The following SYNE2 variants were observed in gnomAD, a reference collection of about 807,000 sequenced individuals.
SYNE2 encodes the protein spectrin repeat containing nuclear envelope protein 2, also known as nesprin-2.
A neutral mutation model predicts 856.3 loss-of-function variants in SYNE2; 431 were observed. That is an observed-to-expected ratio of 0.50 (90% CI 0.47 to 0.55). The LOEUF (loss-of-function observed/expected upper bound fraction) is 0.55, where lower values mean the gene tolerates loss of function less well. Ranked by LOEUF, SYNE2 falls within the 20% of genes least tolerant of loss-of-function variation. The pLI is 0.00. For synonymous variants in SYNE2, 2,923 were observed against 2,872.3 expected (o/e 1.02, Z -0.56); for missense variants, 8,129 against 8,023.2 (o/e 1.01, Z -0.50).
At chr14:64,218,676 C>T (rs746094311) in intron 109 of SYNE2, among the ~76,000 whole-genome samples, 164 bp downstream of exon 109, 3 of 152,224 alleles carry the variant, frequency 2.0e-5, no homozygotes, top group Non-Finnish European at 2.9e-5. Flanking sequence ...TTGGCATTCA[C>T]GAACAAATTC....
chr14:63,987,706 T>C (rs2096636781), intron 19 of SYNE2, among the ~76,000 whole-genome samples: 3 of 152,096 alleles, frequency 2.0e-5, no homozygotes, highest in African/African-American at 7.2e-5. Flanking sequence ...TTAGTATTTA[T>C]TTACTCTATC....
rs559639288 is a variant in SYNE2, at chr14:63,813,322, A to G, written c.-304-39179A>G. Among the ~76,000 whole-genome samples, 79 of 152,366 alleles carry G rather than the reference A, an allele frequency of 5.2e-4. 1 individual carries two copies. The highest frequency in any genetic ancestry group is 2.5e-3 in the South Asian group (12 of 4,828). On this transcript the variant is annotated intron_variant, in intron 1 of 23. Coordinates refer to the SYNE2 transcript ENST00000674003. ...AAAAATCGTGTTTCAGTAGAAAACT[A>G]TAGCACGTGTGGATATCAAATACTA...
In SYNE2 at chr14:64,167,363, C is replaced by T. The variant is rs767671229; in HGVS notation, c.16736C>T (p.Thr5579Met). Reference protein sequence around the residue: ...QNMNRQWIRATATALERCSEL... With the variant: ...QNMNRQWIRAMATALERCSEL... ...ATGAACCGGCAATGGATTCGGGCCACGGCCACGGCACTGGAGCGCTGCAGG... is the reference window on the plus strand; with the variant it reads ...ATGAACCGGCAATGGATTCGGGCCATGGCCACGGCACTGGAGCGCTGCAGG... Residue 5579 changes from threonine to methionine, a missense_variant, in exon 91 of 116, where the codon ACG becomes ATG. Transcript: ENST00000555002. 2.2e-5 allele frequency: 35 copies of T among 1,614,076 alleles called. No homozygotes were observed. Among genetic ancestry groups the T allele is most frequent in the East Asian group, 1.8e-4 (8 of 44,902 alleles).
intron 10 of SYNE2, 134 bp downstream of exon 10, chr14:63,964,134 G>T: frequency 1.6e-6 from 1 of 640,474 alleles, no homozygotes; most frequent in South Asian, 1.8e-5. Flanking sequence ...TGAATTCTAG[G>T]ACTGTACTTC....
At chr14:63,833,401 G>A (rs1219266921) in intron 1 of SYNE2, among the ~76,000 whole-genome samples, 1 of 151,988 alleles carries the variant, frequency 6.6e-6, no homozygotes, top group Non-Finnish European at 1.5e-5. Context: ...GATAATATAT[G>A]TGACGACAGA....
At chr14:63,984,788 A>G (rs1230732049) in intron 18 of SYNE2, among the ~76,000 whole-genome samples, 2 of 152,196 alleles carry the variant, frequency 1.3e-5, no homozygotes, top group Non-Finnish European at 2.9e-5. Flanking sequence ...CTACTGTAAG[A>G]ATACCTACTT....
At chr14:63,979,860 C>T (rs945248909) in intron 14 of SYNE2, among the ~76,000 whole-genome samples, 5 of 151,956 alleles carry the variant, frequency 3.3e-5, no homozygotes, top group Admixed American at 3.3e-4. Flanking sequence ...AAGATTGTGG[C>T]ACTGCACTGC....
chr14:63,793,768 C>CG (rs150759944), intron 1 of SYNE2, among the ~76,000 whole-genome samples: 7 of 151,248 alleles, frequency 4.6e-5, no homozygotes, highest in Non-Finnish European at 7.4e-5. Context: ...GAGGCCCCCC[C>CG]CCAACTAAAA....
chr14:63,928,497 T>C (rs907847941), intron 2 of SYNE2, among the ~76,000 whole-genome samples: 4 of 152,220 alleles, frequency 2.6e-5, no homozygotes, highest in African/African-American at 9.7e-5. Flanking sequence ...TGTTTGTCTG[T>C]TTATGGTTGG....
rs1260773388 is a variant in SYNE2 at position 64,054,083 on chromosome 14, T to C, written c.9744+426T>C. Among the ~76,000 whole-genome samples, 7 of 152,254 alleles carry C rather than the reference T, an allele frequency of 4.6e-5. No individual in the cohort carries two copies. The East Asian group carries it at 5.8e-4, about 13-fold the overall frequency. On this transcript the variant is annotated intron_variant, in intron 48 of 115. Coordinates refer to ENST00000555002, the MANE Select transcript of SYNE2 (RefSeq NM_182914.3). ...TTCCAAAGAAGCTATAGGTTCTACG[T>C]AGAAATTCTCTACAGAAAGATAGCC...
rs534816516 is a variant in SYNE2, at chr14:63,879,602, A to G, written c.-52+26459A>G. 2.0e-5 allele frequency among the ~76,000 whole-genome samples: 3 copies of G among 152,368 alleles called. No individual in the cohort carries two copies. In the South Asian group the frequency reaches 6.2e-4, roughly 32 times the overall value. ...ACTGTTAATTGTGCACAGATAGGAA[A>G]GAGAGAGTGGTAATATGTAACTTTA... On this transcript the variant is annotated intron_variant, in intron 1 of 115. Coordinates refer to ENST00000555002, the MANE Select transcript of SYNE2 (RefSeq NM_182914.3).
chr14:63,940,713 T>G, intron 3 of SYNE2, 38 bp downstream of exon 3: 2 of 1,583,474 alleles, frequency 1.3e-6, no homozygotes, highest in South Asian at 2.2e-5. Context: ...ATAAATCTAT[T>G]TATTACTCCC....
At chr14:63,783,045 T>C (rs895431521) in intron 1 of SYNE2, among the ~76,000 whole-genome samples, 11 of 152,166 alleles carry the variant, frequency 7.2e-5, no homozygotes, top group African/African-American at 2.7e-4. Flanking sequence ...GATATTGATA[T>C]GGTTTGGCTG....
chr14:64,141,342 A>C lies in SYNE2; in HGVS notation c.14978A>C (p.Glu4993Ala), dbSNP rs1370080867. Residue 4993 changes from glutamate to alanine, a missense_variant and splice_region_variant, in exon 81 of 116, where the codon GAG becomes GCG. This residue lies in a region of SYNE2 where 5,410 missense variants were observed against 5,284.8 expected (regional missense o/e 1.02). Coordinates refer to ENST00000555002, the MANE Select transcript of SYNE2 (RefSeq NM_182914.3). ...CTAAATTTTAAAACTCTCCTTTAGG[A>C]GTTTTCAAAAGAAGTTGATGAAAAA... is the stretch of plus-strand genomic sequence containing the variant. ...TIRSNINNFF[E>A]FSKEVDEKSS... is the part of the protein sequence containing the mutation. The C allele has an allele frequency of 6.2e-7, 1 of 1,612,572 alleles. No individual in the cohort carries two copies. Among genetic ancestry groups the C allele is most frequent in the Non-Finnish European group, 8.5e-7 (1 of 1,179,516 alleles).
At chr14:63,982,845 A>G (rs1219521986) in intron 17 of SYNE2, 51 bp downstream of exon 17, 2 of 1,562,196 alleles carry the variant, frequency 1.3e-6, no homozygotes, top group East Asian at 2.2e-5. Context: ...TTCATGTACC[A>G]CACAATTTAC....
intron 26 of SYNE2, 106 bp downstream of exon 26, chr14:63,998,434 A>T: frequency 1.3e-6 from 1 of 759,258 alleles, no homozygotes; most frequent in Admixed American, 2.1e-5. Context: ...GTCATTTTGC[A>T]TATGATCCAG....
At chr14:63,903,648 A>G (rs1170728477) in intron 1 of SYNE2, among the ~76,000 whole-genome samples, 2 of 152,210 alleles carry the variant, frequency 1.3e-5, no homozygotes, top group African/African-American at 2.4e-5. Flanking sequence ...TATACAATAC[A>G]GTGAATTCCA....
intron 85 of SYNE2, among the ~76,000 whole-genome samples, chr14:64,153,111 C>T (rs1215663016): frequency 6.6e-6 from 1 of 152,182 alleles, no homozygotes; most frequent in African/African-American, 2.4e-5. Context: ...GATCCTGTAT[C>T]ATGTAGCCTC....
chr14:63,989,814 C>G, intron 19 of SYNE2, among the ~76,000 whole-genome samples: 1 of 151,096 alleles, frequency 6.6e-6, no homozygotes, highest in East Asian at 2.0e-4. Flanking sequence ...CCATGACCAG[C>G]TAATTTTGTA....
Sources: gnomAD v4.1 joint callset for allele counts (sites outside exome capture counted in the v4.1 genomes callset) on GRCh38, gnomAD v4.1.1 for gene constraint, gnomAD v4.1.1 regional missense constraint, MANE v1.5 for transcripts, NCBI Gene and HGNC (gene_info 2026-07-23, HGNC 2026-07-21) for gene names.